MGAT5: variants seen among roughly 807,000 people sequenced by gnomAD.
The protein encoded by MGAT5 is alpha-1,6-mannosylglycoprotein 6-beta-N-acetylglucosaminyltransferase A.
A neutral mutation model predicts 94.3 loss-of-function variants in MGAT5; 30 were observed. The observed-to-expected ratio is 0.32, with a 90% CI of 0.24 to 0.43. The LOEUF (loss-of-function observed/expected upper bound fraction) is 0.43, where lower values mean the gene tolerates loss of function less well. MGAT5 is among the 20% of genes least tolerant of loss of function. The probability of loss-of-function intolerance (pLI) is 1.00; values close to 1 mark genes in which losing one functional copy is unlikely to be tolerated. For missense variants in MGAT5, 691 were observed against 905.5 expected, an observed-to-expected ratio of 0.76 and a Z score of 3.04; for synonymous variants, 310 against 322.9, an observed-to-expected ratio of 0.96 and a Z score of 0.43.
At chr2:134,148,780 T>TTTTG (rs1687042434) in intron 1 of MGAT5, among the ~76,000 whole-genome samples, 2 of 149,948 alleles carry the variant, frequency 1.3e-5, no homozygotes, top group African/African-American at 4.9e-5. Flanking sequence ...TTTTTTTTTT[T>TTTTG]GAGACAGAGT....
At chr2:134,333,656 A>G (rs1471005784) in intron 4 of MGAT5, among the ~76,000 whole-genome samples, 1 of 152,108 alleles carries the variant, frequency 6.6e-6, no homozygotes, top group Non-Finnish European at 1.5e-5. Context: ...AGCATCCTCT[A>G]CTGGTGGGTT....
intron 10 of MGAT5, among the ~76,000 whole-genome samples, chr2:134,365,959 G>A (rs1680402105): frequency 6.6e-6 from 1 of 152,100 alleles, no homozygotes; most frequent in South Asian, 2.1e-4. Flanking sequence ...TACATGGTGG[G>A]GAGGTTGAGG....
At chr2:134,252,775 C>CAT (rs542566945), upstream of MGAT5, among the ~76,000 whole-genome samples, 20 of 152,180 alleles carry the variant, frequency 1.3e-4, no homozygotes, top group East Asian at 3.9e-4. Context: ...ACCCATTAAG[C>CAT]ATATATATAT....
chr2:134,229,370 A>G (rs978496620), intron 1 of MGAT5, among the ~76,000 whole-genome samples: 1 of 152,226 alleles, frequency 6.6e-6, no homozygotes, highest in African/African-American at 2.4e-5. Flanking sequence ...AGCATTTTAT[A>G]TATTAACAGA....
Position 134,364,724 on chromosome 2 carries a change from A to G in MGAT5, c.1380+2316A>G, listed in dbSNP as rs182577392. 1.4e-3 allele frequency among the ~76,000 whole-genome samples: 207 copies of G among 152,316 alleles called. 1 individual carries two copies. The highest frequency in any genetic ancestry group is 4.5e-3 in the African/African-American group (187 of 41,568). ...CCCAAAAATCCTGGGTGTTATTTCA[A>G]TTTTATTACATCCAGCATTCTGTGC... On this transcript the variant is annotated intron_variant, in intron 10 of 15. Transcript: ENST00000281923.
intron 1 of MGAT5, among the ~76,000 whole-genome samples, chr2:134,192,506 A>C (rs1467658626): frequency 1.3e-5 from 2 of 152,210 alleles, no homozygotes; most frequent in African/African-American, 4.8e-5. Context: ...GATGTAAATC[A>C]GTACAATTTT....
intron 4 of MGAT5, among the ~76,000 whole-genome samples, chr2:134,329,731 C>T (rs1399993194): frequency 2.6e-5 from 4 of 152,008 alleles, no homozygotes; most frequent in African/African-American, 9.7e-5. Context: ...AGGGCTTATC[C>T]TCATGCTTGG....
At chr2:134,216,969 A>G (rs1038787832) in intron 1 of MGAT5, among the ~76,000 whole-genome samples, 5 of 152,212 alleles carry the variant, frequency 3.3e-5, no homozygotes, top group African/African-American at 7.2e-5. Flanking sequence ...GCAGAAGACT[A>G]TCTTTAGTAA....
At chr2:134,399,088 G>A (rs115740320) in intron 10 of MGAT5, among the ~76,000 whole-genome samples, 4,445 of 152,282 alleles carry the variant, frequency 0.029, 252 homozygotes, top group East Asian at 0.17. Context: ...ACAAAGAAAT[G>A]ATAAATGTTT....
chr2:134,144,480 T>G (rs143227444), intron 1 of MGAT5, among the ~76,000 whole-genome samples: 2 of 152,248 alleles, frequency 1.3e-5, no homozygotes, highest in African/African-American at 4.8e-5. Flanking sequence ...CTGATCCAAT[T>G]AGCTCCCACC....
chr2:134,180,849 G>T (rs1290673195), intron 1 of MGAT5, among the ~76,000 whole-genome samples: 1 of 152,146 alleles, frequency 6.6e-6, no homozygotes, highest in Non-Finnish European at 1.5e-5. Context: ...CTTTTATAGG[G>T]TGGAATAACC....
intron 4 of MGAT5, chr2:134,319,691 T>C (rs1235869463): frequency 5.4e-6 from 2 of 371,102 alleles, no homozygotes; most frequent in East Asian, 1.7e-4. Context: ...CTCTATGCCA[T>C]CAACATACTC....
intron 1 of MGAT5, among the ~76,000 whole-genome samples, chr2:134,230,457 G>A (rs1218211568): frequency 6.6e-6 from 1 of 152,166 alleles, no homozygotes; most frequent in African/African-American, 2.4e-5. Flanking sequence ...ACCACTGTAG[G>A]ATGACTATAG....
chr2:134,197,109 G>A (rs540909819), intron 1 of MGAT5, among the ~76,000 whole-genome samples: 2 of 152,330 alleles, frequency 1.3e-5, no homozygotes, highest in South Asian at 4.1e-4. Flanking sequence ...GGTATGGGGG[G>A]TGGTCAGGGA....
chr2:134,377,742 CCCA>C (rs2106185808), intron 10 of MGAT5, among the ~76,000 whole-genome samples: 1 of 152,270 alleles, frequency 6.6e-6, no homozygotes, highest in Admixed American at 6.5e-5. Context: ...TCAAAGGACT[CCCA>C]CCATCAAAAC....
chr2:134,277,603 G>A (rs964137543), intron 2 of MGAT5, among the ~76,000 whole-genome samples: 2 of 151,942 alleles, frequency 1.3e-5, no homozygotes, highest in Admixed American at 6.6e-5. Context: ...GATTTGGGTA[G>A]GGACACAGAG....
intron 1 of MGAT5, among the ~76,000 whole-genome samples, chr2:134,176,123 G>T (rs1688452342): frequency 3.3e-5 from 5 of 152,132 alleles, no homozygotes. Context: ...TACAGAGAGA[G>T]GTACCACCTT....
intron 9 of MGAT5, among the ~76,000 whole-genome samples, chr2:134,352,006 G>A (rs564527034): frequency 5.2e-4 from 79 of 152,262 alleles, no homozygotes; most frequent in Admixed American, 1.8e-3. Context: ...AAGATACCAT[G>A]CCCCATGTAC....
intron 2 of MGAT5, among the ~76,000 whole-genome samples, chr2:134,277,247 T>C (rs1558754145): frequency 6.6e-6 from 1 of 152,100 alleles, no homozygotes; most frequent in Non-Finnish European, 1.5e-5. Flanking sequence ...AATAGTAGTG[T>C]CCATTTCACA....
Sources: gnomAD v4.1 joint callset for allele counts (sites outside exome capture counted in the v4.1 genomes callset) on GRCh38, gnomAD v4.1.1 for gene constraint, MANE v1.5 for transcripts, NCBI Gene and HGNC (gene_info 2026-07-23, HGNC 2026-07-21) for gene names.